ERI1: variants seen among roughly 807,000 people sequenced by gnomAD.
ERI1 encodes the protein 3'-5' exoribonuclease 1.
A neutral mutation model predicts 39.7 loss-of-function variants in ERI1; 39 were observed. The ratio of observed to expected loss-of-function variants is 0.98; its 90% confidence interval spans 0.76 to 1.28. ERI1 has a LOEUF of 1.28. ERI1 is among the 50% of genes most tolerant of loss of function. The probability of loss-of-function intolerance (pLI) is 0.00; values close to 1 mark genes in which losing one functional copy is unlikely to be tolerated. For missense variants in ERI1, 581 were observed against 416.9 expected (o/e 1.39, Z -3.43); for synonymous variants, 204 against 149.6 (o/e 1.36, Z -2.65).
chr8:9,018,160 A>C (rs1474044273), intron 4 of ERI1, 137 bp from the exon 5 acceptor site: 2 of 525,490 alleles, frequency 3.8e-6, no homozygotes, highest in Middle Eastern at 2.9e-4. Context: ...AGGTGGAGCT[A>C]AGCCAAGGAA....
intron 3 of ERI1, among the ~76,000 whole-genome samples, chr8:9,068,777 G>A (rs1333039843): frequency 6.6e-6 from 1 of 152,266 alleles, no homozygotes; most frequent in East Asian, 1.9e-4. Flanking sequence ...CGTACCTTGA[G>A]TGACCAGAGA....
rs1816220308 is a variant in ERI1 at position 9,007,998 on chromosome 8, A to G, written c.137A>G (p.Gln46Arg). The G allele has an allele frequency of 1.3e-6, 2 of 1,543,034 alleles. No homozygotes were observed. The highest frequency in any genetic ancestry group is 2.5e-5 in the East Asian group (1 of 39,610). Residue 46 changes from glutamine to arginine, a missense_variant, in exon 2 of 7, where the codon CAG (glutamine) becomes CGG (arginine). Gln to Arg is a conservative substitution (Grantham distance 43). Transcript: ENST00000250263. ...ACTCAACAGTGTAAATTTGATGGCCAGGAGACAAAAGGATCCAAGTTCATT... is the reference window on the plus strand; with the variant it reads ...ACTCAACAGTGTAAATTTGATGGCCGGGAGACAAAAGGATCCAAGTTCATT... ...EETQQCKFDG[Q>R]ETKGSKFITS... is the part of the protein sequence containing the mutation.
chr8:9,054,502 A>G (rs188619770), intron 3 of ERI1, among the ~76,000 whole-genome samples: 1 of 152,248 alleles, frequency 6.6e-6, no homozygotes, highest in East Asian at 1.9e-4. Context: ...AAAGACAGGA[A>G]AAAAGCACAA....
At chr8:9,068,808 A>G (rs1288729056) in intron 3 of ERI1, among the ~76,000 whole-genome samples, 1 of 151,924 alleles carries the variant, frequency 6.6e-6, no homozygotes, top group Non-Finnish European at 1.5e-5. Flanking sequence ...CTGTTTTTAA[A>G]TTTTTTAAAT....
At chr8:9,010,272 G>A (rs1418112494) in intron 2 of ERI1, among the ~76,000 whole-genome samples, 1 of 152,128 alleles carries the variant, frequency 6.6e-6, no homozygotes, top group Non-Finnish European at 1.5e-5. Context: ...TCTGGTAAAT[G>A]TAGTCTCTCC....
At chr8:9,067,923 T>TACAC (rs34870760) in intron 3 of ERI1, among the ~76,000 whole-genome samples, 43,858 of 149,640 alleles carry the variant, frequency 0.29, 7,100 homozygotes, top group Non-Finnish European at 0.39. Flanking sequence ...ATGCTACAAA[T>TACAC]ACACACACAC....
chr8:9,062,290 T>G (rs1231055270), intron 3 of ERI1, among the ~76,000 whole-genome samples: 2 of 151,608 alleles, frequency 1.3e-5, no homozygotes, highest in Non-Finnish European at 2.9e-5. Flanking sequence ...TGGGTTAAGG[T>G]GCGGGGATAC....
intron 3 of ERI1, among the ~76,000 whole-genome samples, chr8:9,042,919 T>C (rs1202756929): frequency 6.6e-6 from 1 of 152,228 alleles, no homozygotes; most frequent in Non-Finnish European, 1.5e-5. Context: ...TTACCCTGCA[T>C]GCTCCCACGC....
At chr8:9,041,549 A>G (rs531103798) in intron 3 of ERI1, among the ~76,000 whole-genome samples, 37 of 152,328 alleles carry the variant, frequency 2.4e-4, no homozygotes, top group African/African-American at 8.7e-4. Context: ...AAACTAAACA[A>G]ACACGTGCAA....
intron 3 of ERI1, among the ~76,000 whole-genome samples, chr8:9,047,181 TTCCAGCC>T (rs1798200798): frequency 6.6e-6 from 1 of 152,148 alleles, no homozygotes; most frequent in Admixed American, 6.5e-5. Context: ...AGGAAACACA[TTCCAGCC>T]TCTAGCCACC....
chr8:9,011,880 T>C (rs1816710101), intron 3 of ERI1, 128 bp downstream of exon 3: 1 of 632,790 alleles, frequency 1.6e-6, no homozygotes, highest in Admixed American at 3.2e-5. Flanking sequence ...TTCTTTGCCA[T>C]GAACTTTATA....
intron 3 of ERI1, among the ~76,000 whole-genome samples, chr8:9,075,831 G>T (rs190909098): frequency 2.6e-5 from 4 of 152,148 alleles, no homozygotes; most frequent in African/African-American, 9.7e-5. Flanking sequence ...TAGAGACAAG[G>T]TCTTGCCATA....
At chr8:9,062,099 G>T (rs1798718706) in intron 3 of ERI1, among the ~76,000 whole-genome samples, 1 of 152,162 alleles carries the variant, frequency 6.6e-6, no homozygotes, top group Non-Finnish European at 1.5e-5. Flanking sequence ...ATTGTAAGGG[G>T]AGTTTATAGG....
downstream of ERI1, among the ~76,000 whole-genome samples, chr8:9,036,749 T>G (rs1454161887): frequency 6.6e-6 from 1 of 152,182 alleles, no homozygotes; most frequent in African/African-American, 2.4e-5. Flanking sequence ...ATTTTCTGTT[T>G]GCTAATGTAG....
At chr8:9,083,636 T>TAA (rs11434262) in intron 3 of ERI1, among the ~76,000 whole-genome samples, 155 of 144,950 alleles carry the variant, frequency 1.1e-3, no homozygotes, top group Non-Finnish European at 1.6e-3. Flanking sequence ...TGGTCCATGT[T>TAA]AAAAAAAAAA....
At chr8:9,016,498 G>A in intron 4 of ERI1, 93 bp downstream of exon 4, 1 of 627,056 alleles carries the variant, frequency 1.6e-6, no homozygotes, top group Non-Finnish European at 2.6e-6. Flanking sequence ...TATTACTGTT[G>A]TGAACAATTT....
chr8:9,041,560 AT>A (rs1401818199), intron 3 of ERI1, among the ~76,000 whole-genome samples: 1 of 152,234 alleles, frequency 6.6e-6, no homozygotes, highest in African/African-American at 2.4e-5. Flanking sequence ...ACACGTGCAA[AT>A]TAAACAACAT....
chr8:9,022,672 T>A (rs2117261960), intron 6 of ERI1, among the ~76,000 whole-genome samples: 1 of 152,330 alleles, frequency 6.6e-6, no homozygotes, highest in Admixed American at 6.5e-5. Context: ...AGTGCTGGGA[T>A]TATAGGCGTG....
At chr8:9,021,564 G>A (rs187664399) in intron 6 of ERI1, among the ~76,000 whole-genome samples, 2 of 152,182 alleles carry the variant, frequency 1.3e-5, no homozygotes, top group East Asian at 1.9e-4. Context: ...TTTGCCGATT[G>A]CTATAAAGCA....
Sources: allele counts gnomAD v4.1 joint callset (sites outside exome capture counted in the v4.1 genomes callset), GRCh38; gene constraint gnomAD v4.1.1; transcripts MANE v1.5; gene names NCBI Gene and HGNC (gene_info 2026-07-23, HGNC 2026-07-21).